ASIC2: variants seen among roughly 807,000 people sequenced by gnomAD.
ASIC2 encodes acid sensing ion channel subunit 2.
ASIC2 carries 25 observed loss-of-function variants against 57.3 expected under a neutral mutation model. The observed-to-expected ratio is 0.44, with a 90% CI of 0.32 to 0.61. The LOEUF is 0.61. Among genes scored for constraint, ASIC2 ranks in the 20% least tolerant of loss-of-function variants. The pLI, the probability that ASIC2 is intolerant of heterozygous loss-of-function variation, is 0.06. For synonymous variants in ASIC2, 319 were observed against 307.5 expected (o/e 1.04, Z -0.39); for missense variants, 641 against 738.1 (o/e 0.87, Z 1.52).
intron 1 of ASIC2, among the ~76,000 whole-genome samples, chr17:33,178,043 C>G (rs975463112): frequency 5.3e-5 from 8 of 152,110 alleles, no homozygotes; most frequent in African/African-American, 1.9e-4. Context: ...CAAGGGGGTT[C>G]CTAGCTTCCC....
rs1012862911 is a variant in ASIC2 at position 33,293,095 on chromosome 17, G to C, written c.-980C>G. 3 of 949,148 alleles carry C rather than the reference G, an allele frequency of 3.2e-6. No individual in the cohort carries two copies. In the African/African-American group the frequency reaches 5.3e-5, roughly 17 times the overall value. The allele number at this position is 949,148 out of a possible 1,614,324, so 58.8% of individuals were successfully genotyped here. The stretch of plus-strand genomic sequence containing the variant: ...GGGGACCCGCCAACACCTCCCGGGG[G>C]TGACCCGGACTCGCTGCTCCGCGCG... On this transcript the variant is annotated 5_prime_UTR_variant, in exon 1 of 10. Transcript: ENST00000225823.
chr17:34,056,385 G>C (rs917763361), intron 1 of ASIC2, among the ~76,000 whole-genome samples: 1 of 152,156 alleles, frequency 6.6e-6, no homozygotes, highest in Non-Finnish European at 1.5e-5. Context: ...TGGAGGGATG[G>C]AAAATGGGTT....
At chr17:33,894,804 C>T (rs1280556867) in intron 1 of ASIC2, among the ~76,000 whole-genome samples, 2 of 152,132 alleles carry the variant, frequency 1.3e-5, no homozygotes, top group Non-Finnish European at 2.9e-5. Context: ...CTTGCTGTGC[C>T]TTGGTCTCCC....
intron 1 of ASIC2, among the ~76,000 whole-genome samples, chr17:33,772,205 G>T (rs941599791): frequency 1.3e-4 from 20 of 152,154 alleles, no homozygotes; most frequent in African/African-American, 4.6e-4. Flanking sequence ...TTTGACTATG[G>T]GTCATAAGAC....
chr17:33,223,064 T>C (rs1347015095), intron 1 of ASIC2, among the ~76,000 whole-genome samples: 1 of 152,216 alleles, frequency 6.6e-6, no homozygotes, highest in Non-Finnish European at 1.5e-5. Flanking sequence ...AAAAACGCTT[T>C]GATGTACTAA....
At chr17:34,031,357 T>A (rs566304208) in intron 1 of ASIC2, among the ~76,000 whole-genome samples, 1 of 151,988 alleles carries the variant, frequency 6.6e-6, no homozygotes, top group South Asian at 2.1e-4. Context: ...CAAAAACCCA[T>A]CTGTACCTCA....
In ASIC2 at chr17:33,034,011, T is replaced by C. The variant is rs554998432; in HGVS notation, c.988-5619A>G. Among the ~76,000 whole-genome samples the C allele has an allele frequency of 1.6e-4, 24 of 152,092 alleles. No individual in the cohort carries two copies. In the South Asian group the frequency reaches 4.8e-3, roughly 30 times the overall value. ...TGAGATGATCAGCTGCAGAGAGGTG[T>C]ACCCTCTCCACTGAGAGCTGCAGAG... On this transcript the variant is annotated intron_variant, in intron 3 of 9. Transcript: ENST00000225823.
chr17:33,740,782 T>A (rs1910086445), intron 1 of ASIC2, among the ~76,000 whole-genome samples: 1 of 152,212 alleles, frequency 6.6e-6, no homozygotes, highest in Non-Finnish European at 1.5e-5. Flanking sequence ...TTCAGCTGCA[T>A]ATGCCTTAGC....
intron 1 of ASIC2, among the ~76,000 whole-genome samples, chr17:33,900,350 T>C (rs888749013): frequency 7.2e-5 from 11 of 152,134 alleles, no homozygotes; most frequent in African/African-American, 1.9e-4. Flanking sequence ...TATTATTCCA[T>C]AGGGTCTCTG....
chr17:34,008,545 A>C (rs1190209446), intron 1 of ASIC2, among the ~76,000 whole-genome samples: 3 of 152,222 alleles, frequency 2.0e-5, no homozygotes, highest in African/African-American at 7.2e-5. Context: ...AGAGAAAATC[A>C]GCAAGCTGAA....
At chr17:33,967,250 G>A (rs555639560) in intron 1 of ASIC2, among the ~76,000 whole-genome samples, 13 of 151,622 alleles carry the variant, frequency 8.6e-5, no homozygotes, top group African/African-American at 2.7e-4. Context: ...TTTTTTCTGA[G>A]AGAGAGAGAG....
chr17:33,714,985 T>TTTATTATTA (rs71364615), intron 1 of ASIC2, among the ~76,000 whole-genome samples: 2,491 of 142,192 alleles, frequency 0.018, 48 homozygotes, highest in African/African-American at 0.027. Flanking sequence ...GCCAGGCTAA[T>TTTATTATTA]TTATTATTAT....
At chr17:33,865,316 T>C (rs904739906) in intron 1 of ASIC2, among the ~76,000 whole-genome samples, 5 of 152,246 alleles carry the variant, frequency 3.3e-5, no homozygotes, top group South Asian at 2.1e-4. Flanking sequence ...CCCAGTAACC[T>C]GGCAGAATTA....
At chr17:34,007,507 T>C (rs1208870013) in intron 1 of ASIC2, among the ~76,000 whole-genome samples, 1 of 152,148 alleles carries the variant, frequency 6.6e-6, no homozygotes, top group Non-Finnish European at 1.5e-5. Flanking sequence ...CTCAGAGTAG[T>C]GCTCAAAGGG....
intron 2 of ASIC2, among the ~76,000 whole-genome samples, chr17:33,110,560 A>G (rs1242346874): frequency 6.6e-6 from 1 of 152,120 alleles, no homozygotes; most frequent in African/African-American, 2.4e-5. Flanking sequence ...TTTATCTTTC[A>G]GTTGGAGGAG....
At chr17:33,689,748 G>C (rs987830226) in intron 1 of ASIC2, among the ~76,000 whole-genome samples, 18 of 152,206 alleles carry the variant, frequency 1.2e-4, no homozygotes, top group African/African-American at 4.1e-4. Context: ...GATTACCCTG[G>C]TGGGCCCTAA....
At chr17:33,274,143 T>C (rs1385077723) in intron 1 of ASIC2, among the ~76,000 whole-genome samples, 4 of 152,248 alleles carry the variant, frequency 2.6e-5, no homozygotes, top group African/African-American at 4.8e-5. Flanking sequence ...TGTGACCACA[T>C]TGAGCATCTG....
At chr17:33,501,116 C>A (rs987157820) in intron 1 of ASIC2, among the ~76,000 whole-genome samples, 1 of 152,250 alleles carries the variant, frequency 6.6e-6, no homozygotes, top group African/African-American at 2.4e-5. Context: ...GCCTCACAGT[C>A]CCAGTGGGCC....
chr17:33,591,744 A>G (rs1042291051), intron 1 of ASIC2, among the ~76,000 whole-genome samples: 2 of 152,158 alleles, frequency 1.3e-5, no homozygotes, highest in African/African-American at 4.8e-5. Flanking sequence ...CCACTCTGTG[A>G]TGCTATTTGT....
Sources: gnomAD v4.1 joint callset for allele counts (sites outside exome capture counted in the v4.1 genomes callset) on GRCh38, gnomAD v4.1.1 for gene constraint, MANE v1.5 for transcripts, NCBI Gene and HGNC (gene_info 2026-07-23, HGNC 2026-07-21) for gene names.